The following ATP6V1D variants were observed in gnomAD, a reference collection of about 807,000 sequenced individuals.
ATP6V1D encodes V-type proton ATPase subunit D.
In ATP6V1D, 20 loss-of-function variants were observed where a neutral mutation model predicts 39.4. The ratio of observed to expected loss-of-function variants is 0.51; its 90% CI spans 0.36 to 0.74. The LOEUF is 0.74. Among genes scored for constraint, ATP6V1D ranks in the 30% least tolerant of loss-of-function variants. ATP6V1D has a pLI of 0.00. For missense variants in ATP6V1D, 228 were observed against 291.6 expected, an observed-to-expected ratio of 0.78 and a Z score of 1.59; for synonymous variants, 100 against 100.5, an observed-to-expected ratio of 0.99 and a Z score of 0.03.
intron 5 of ATP6V1D, among the ~76,000 whole-genome samples, chr14:67,346,922 A>G (rs1025388560): frequency 1.2e-4 from 19 of 152,238 alleles, no homozygotes; most frequent in African/African-American, 3.6e-4. Flanking sequence ...TTCTACATTG[A>G]TATATTTCTG....
intron 6 of ATP6V1D, among the ~76,000 whole-genome samples, chr14:67,345,152 G>A (rs1185623514): frequency 3.3e-5 from 5 of 150,928 alleles, no homozygotes; most frequent in South Asian, 2.1e-4. Context: ...TGAGGTGGGC[G>A]GATCACTTAA....
Position 67,350,702 on chromosome 14 carries a change from T to C in ATP6V1D, c.160-12A>G. 5.6e-6 allele frequency: 9 copies of C among 1,611,686 alleles called. No individual in the cohort carries two copies. The highest frequency in any genetic ancestry group is 6.8e-6 in the Non-Finnish European group (8 of 1,178,512). On this transcript the variant is annotated splice_polypyrimidine_tract_variant and intron_variant, in intron 2 of 8. Transcript: ENST00000216442. ...ATCAACATTTTAGTCTGGAAAAGCA[T>C]AAACCAACAGCAGATTCAACCAAGC...
In ATP6V1D at chr14:67,338,959, A is replaced by G. The variant is rs906533573; in HGVS notation, c.603-197T>C. Among the ~76,000 whole-genome samples the G allele has an allele frequency of 2.0e-5, 3 of 151,632 alleles. No homozygotes were observed. In the East Asian group the frequency reaches 5.8e-4, roughly 29 times the overall value. ...TTTTAAGCTAAAAATACATAATTTT[A>G]AGCTAATAACTGATTTAACCTGAGA... On this transcript the variant is annotated intron_variant, in intron 8 of 8. Transcript: ENST00000216442.
At chr14:67,341,754 T>TG (rs966350367) in intron 7 of ATP6V1D, among the ~76,000 whole-genome samples, 10 of 152,110 alleles carry the variant, frequency 6.6e-5, no homozygotes, top group Non-Finnish European at 1.5e-4. Context: ...GGGGGAAAGG[T>TG]GGGGAAAAGA....
intron 3 of ATP6V1D, among the ~76,000 whole-genome samples, chr14:67,350,197 C>T (rs10129185): frequency 8.6e-5 from 13 of 151,940 alleles, no homozygotes; most frequent in African/African-American, 2.4e-4. Flanking sequence ...ATTTATCCTA[C>T]GGGAATAATT....
rs2085557285 is a variant in ATP6V1D at position 67,338,678 on chromosome 14, C to T, written c.687G>A (p.Val229=). The change falls in exon 9 of 9, where the codon GTG becomes GTA. Residue 229 remains valine, a synonymous_variant. Transcript: ENST00000216442. ...DLEQRRAAGE[V]LEPANLLAEE... ...CAGCCAGAAGATTAGCAGGCTCCAA[C>T]ACCTCTCCAGCTGCTCTCCTTTGCT... 1 of 1,614,106 alleles carries T rather than the reference C, an allele frequency of 6.2e-7. No homozygotes were observed. The highest frequency in any genetic ancestry group is 1.1e-5 in the South Asian group (1 of 91,090).
chr14:67,340,721 C>G (rs567831579), intron 7 of ATP6V1D, among the ~76,000 whole-genome samples: 3 of 152,178 alleles, frequency 2.0e-5, no homozygotes, highest in Non-Finnish European at 4.4e-5. Flanking sequence ...CCTCTGATGC[C>G]GAGCCGAAGC....
intron 1 of ATP6V1D, among the ~76,000 whole-genome samples, chr14:67,355,780 TGCTTGAGTTCAAGACC>T (rs1287973529): frequency 6.6e-6 from 1 of 151,562 alleles, no homozygotes; most frequent in Non-Finnish European, 1.5e-5. Context: ...GTGGGTAGAT[TGCTTGAGTTCAAGACC>T]AGCCTGGGAA....
chr14:67,343,961 A>G (rs1428611400), intron 6 of ATP6V1D, among the ~76,000 whole-genome samples: 1 of 152,216 alleles, frequency 6.6e-6, no homozygotes, highest in Non-Finnish European at 1.5e-5. Context: ...TTCCAAATTA[A>G]CCTGCCTGGG....
intron 1 of ATP6V1D, among the ~76,000 whole-genome samples, chr14:67,355,868 G>C (rs955754720): frequency 1.3e-5 from 2 of 151,946 alleles, no homozygotes; most frequent in African/African-American, 4.8e-5. Flanking sequence ...GGCATGGTAG[G>C]GCACACCGGT....
At chr14:67,341,511 T>TGG (rs1249278672) in intron 7 of ATP6V1D, among the ~76,000 whole-genome samples, 1 of 123,758 alleles carries the variant, frequency 8.1e-6, no homozygotes, top group Non-Finnish European at 1.7e-5. Context: ...GGGAGGGAGG[T>TGG]GGGGGGGGTC....
At chr14:67,347,605 A>G in intron 4 of ATP6V1D, 152 bp from the exon 5 acceptor site, 1 of 643,468 alleles carries the variant, frequency 1.6e-6, no homozygotes, top group South Asian at 2.0e-5. Context: ...AGGTTCAAGC[A>G]ATTCTCCTGG....
intron 2 of ATP6V1D, 96 bp downstream of exon 2, chr14:67,352,827 A>T: frequency 2.7e-6 from 2 of 752,520 alleles, no homozygotes; most frequent in Middle Eastern, 3.9e-4. Flanking sequence ...TTGAAAGAAA[A>T]AAATTAATTA....
At chr14:67,338,982 A>G (rs1292212375) in intron 8 of ATP6V1D, among the ~76,000 whole-genome samples, 3 of 150,768 alleles carry the variant, frequency 2.0e-5, no homozygotes, top group Non-Finnish European at 3.0e-5. Context: ...ATTTAACCTG[A>G]GACAGAAGCC....
chr14:67,339,990 C>A (rs2085567443), intron 8 of ATP6V1D: 1 of 143,480 alleles, frequency 7.0e-6, no homozygotes, highest in African/African-American at 2.7e-5. Context: ...AAGATCGAAC[C>A]ATTGCACTCC....
intron 7 of ATP6V1D, among the ~76,000 whole-genome samples, chr14:67,341,788 G>A (rs1370104049): frequency 6.6e-6 from 1 of 152,246 alleles, no homozygotes; most frequent in Non-Finnish European, 1.5e-5. Context: ...TGGTTGCTGT[G>A]TCTGTGTAGA....
chr14:67,358,322 T>TA (rs534654953), intron 1 of ATP6V1D, among the ~76,000 whole-genome samples: 115 of 152,236 alleles, frequency 7.6e-4, no homozygotes, highest in African/African-American at 2.6e-3. Context: ...CAGGTGAAGG[T>TA]AAAAAATTTA....
chr14:67,345,557 A>C (rs1357950402), intron 6 of ATP6V1D, among the ~76,000 whole-genome samples: 1 of 152,216 alleles, frequency 6.6e-6, no homozygotes, highest in East Asian at 1.9e-4. Flanking sequence ...CTCCATCTCA[A>C]AAAAATAAAA....
intron 1 of ATP6V1D, among the ~76,000 whole-genome samples, chr14:67,358,911 T>G (rs186224145): frequency 5.3e-4 from 80 of 152,248 alleles, no homozygotes; most frequent in Non-Finnish European, 9.9e-4. Flanking sequence ...TCAAGAAATA[T>G]TTTTTTGTGG....
Sources: gnomAD v4.1 joint callset for allele counts (sites outside exome capture counted in the v4.1 genomes callset) on GRCh38, gnomAD v4.1.1 for gene constraint, MANE v1.5 for transcripts, NCBI Gene and HGNC (gene_info 2026-07-23, HGNC 2026-07-21) for gene names.